SELENOI: variants seen among roughly 807,000 people sequenced by gnomAD.
The protein encoded by SELENOI is ethanolaminephosphotransferase 1.
Under a neutral mutation model 50.7 loss-of-function variants are expected in SELENOI, and 24 were observed. The observed-to-expected ratio is 0.47, with a 90% CI of 0.34 to 0.67. The LOEUF (loss-of-function observed/expected upper bound fraction) is 0.67. SELENOI is among the 30% of genes least tolerant of loss of function. The pLI is 0.01. For missense variants in SELENOI, 352 were observed against 461.4 expected, an observed-to-expected ratio of 0.76 and a Z score of 2.17; for synonymous variants, 155 against 170.2, an observed-to-expected ratio of 0.91 and a Z score of 0.70.
chr2:26,364,996 A>G (rs1339524777), intron 3 of SELENOI, 56 bp downstream of exon 3: 1 of 1,269,758 alleles, frequency 7.9e-7, no homozygotes, highest in Non-Finnish European at 1.1e-6. Flanking sequence ...TGAAATGTGG[A>G]TGCTTATTTT....
At chr2:26,388,860 A>G in intron 9 of SELENOI, 145 bp from the exon 10 acceptor site, 2 of 653,922 alleles carry the variant, frequency 3.1e-6, no homozygotes, top group South Asian at 1.9e-5. Context: ...TTCTATAGCT[A>G]TCCTAATCCA....
At chr2:26,381,020 TTGA>T (rs148514183) in intron 6 of SELENOI, among the ~76,000 whole-genome samples, 2,746 of 152,028 alleles carry the variant, frequency 0.018, 275 homozygotes, top group Admixed American at 0.16. Flanking sequence ...TATTAATCCT[TTGA>T]TATAGATTAT....
At chr2:26,380,387 A>G (rs1358069648) in intron 6 of SELENOI, among the ~76,000 whole-genome samples, 1 of 152,146 alleles carries the variant, frequency 6.6e-6, no homozygotes, top group East Asian at 1.9e-4. Flanking sequence ...TGTACTATGT[A>G]CTGTGCCTTT....
At chr2:26,354,474 C>A (rs556193884) in intron 1 of SELENOI, among the ~76,000 whole-genome samples, 15 of 152,244 alleles carry the variant, frequency 9.9e-5, no homozygotes, top group African/African-American at 3.6e-4. Flanking sequence ...GCAAGCTCCG[C>A]CTCCTGGGTT....
intron 7 of SELENOI, among the ~76,000 whole-genome samples, chr2:26,384,331 C>T (rs961608143): frequency 2.0e-5 from 3 of 152,198 alleles, no homozygotes; most frequent in Admixed American, 1.3e-4. Context: ...TATTTCTCTA[C>T]ATTTTCTTCT....
chr2:26,386,207 C>T, intron 8 of SELENOI, 147 bp from the exon 9 acceptor site: 3 of 796,320 alleles, frequency 3.8e-6, no homozygotes, highest in Admixed American at 5.8e-5. Context: ...GGCCCCTAAG[C>T]ATTGAGAACT....
chr2:26,380,490 C>T lies in SELENOI; in HGVS notation c.683-2809C>T, dbSNP rs56288595. On this transcript the variant is annotated intron_variant, in intron 6 of 9. Transcript: ENST00000260585. ...GTCCTCTTACAGCTGCCTGGCACTT[C>T]ATTGTGTGGATGTACCGTAGTGTGT... Among the ~76,000 whole-genome samples, 721 of 152,322 alleles carry T rather than the reference C, an allele frequency of 4.7e-3. 2 individuals carry two copies. The highest frequency in any genetic ancestry group is 7.5e-3 in the Non-Finnish European group (508 of 68,032).
rs186876913 is a variant in SELENOI, at chr2:26,386,662, G to A, written c.1095+126G>A. The stretch of plus-strand genomic sequence containing the variant: ...AGTTGCTTATTATAGTAGCTGTAAG[G>A]GTTTTGGGATATTCTCTAAATTTTG... On this transcript the variant is annotated intron_variant, in intron 9 of 9. Transcript: ENST00000260585. The A allele has an allele frequency of 1.4e-3, 1,046 of 738,454 alleles. 3 individuals carry two copies. Among genetic ancestry groups the A allele is most frequent in the African/African-American group, 0.011 (621 of 54,492 alleles). The allele number at this position is 738,454 out of a possible 1,614,324, so 45.7% of individuals were successfully genotyped here.
chr2:26,370,820 C>T (rs867257452), intron 4 of SELENOI, among the ~76,000 whole-genome samples: 11 of 121,426 alleles, frequency 9.1e-5, no homozygotes, highest in Admixed American at 2.3e-4. Context: ...GGCGGCTGGC[C>T]GGGCGGGGGG....
At chr2:26,385,803 T>C (rs1677826226) in intron 8 of SELENOI, among the ~76,000 whole-genome samples, 1 of 152,210 alleles carries the variant, frequency 6.6e-6, no homozygotes, top group Non-Finnish European at 1.5e-5. Flanking sequence ...TCTCAAGTCT[T>C]GCTGATTTTA....
intron 4 of SELENOI, 125 bp from the exon 5 acceptor site, chr2:26,373,242 A>G (rs982335366): frequency 8.7e-6 from 10 of 1,148,090 alleles, no homozygotes; most frequent in Admixed American, 2.8e-5. Context: ...GTACCAGCTG[A>G]TAGCTATACT....
At chr2:26,363,686 CATTT>C (rs559857577) in intron 1 of SELENOI, among the ~76,000 whole-genome samples, 62 of 152,280 alleles carry the variant, frequency 4.1e-4, no homozygotes, top group Middle Eastern at 3.4e-3. Context: ...GTCTTTGCCT[CATTT>C]ATGTTGCTAT....
At chr2:26,370,885 AC>A (rs1677415738) in intron 4 of SELENOI, among the ~76,000 whole-genome samples, 1 of 38,852 alleles carries the variant, frequency 2.6e-5, no homozygotes, top group South Asian at 8.9e-4. Context: ...GGGGGCTGAC[AC>A]CCCCACCTCC....
At chr2:26,369,216 C>T (rs550016589) in intron 4 of SELENOI, among the ~76,000 whole-genome samples, 4 of 152,154 alleles carry the variant, frequency 2.6e-5, no homozygotes, top group Non-Finnish European at 5.9e-5. Flanking sequence ...TCTCCTCATT[C>T]CCTTGGTAAT....
chr2:26,370,323 T>G (rs995793147), intron 4 of SELENOI, among the ~76,000 whole-genome samples: 1 of 151,752 alleles, frequency 6.6e-6, no homozygotes, highest in Non-Finnish European at 1.5e-5. Context: ...CCCCTTTCTA[T>G]TCCACAAAGC....
chr2:26,370,254 AC>A, intron 4 of SELENOI, among the ~76,000 whole-genome samples: 1 of 151,840 alleles, frequency 6.6e-6, no homozygotes, highest in South Asian at 2.1e-4. Context: ...TCCCATGTCT[AC>A]CTCTTTCTAC....
Position 26,361,168 on chromosome 2 carries a change from C to A in SELENOI, c.58-3134C>A, listed in dbSNP as rs574119772. Reference sequence around the variant, plus strand: ...GGCGGAGCTTGCAGTGAGCCAAGATCGCGCCACTGCACTCCAGCCTGGGAG... The same window carrying A: ...GGCGGAGCTTGCAGTGAGCCAAGATAGCGCCACTGCACTCCAGCCTGGGAG... On this transcript the variant is annotated intron_variant, in intron 1 of 9. Transcript: ENST00000260585. 3.3e-5 allele frequency among the ~76,000 whole-genome samples: 5 copies of A among 152,190 alleles called. No individual in the cohort carries two copies. The East Asian group carries it at 7.7e-4, about 24-fold the overall frequency.
intron 4 of SELENOI, among the ~76,000 whole-genome samples, chr2:26,368,232 A>G (rs1333703470): frequency 1.3e-5 from 2 of 152,232 alleles, no homozygotes; most frequent in Non-Finnish European, 2.9e-5. Flanking sequence ...GTCTAGAAGA[A>G]TTAAGGGAAA....
chr2:26,373,334 T>G, intron 4 of SELENOI, 33 bp from the exon 5 acceptor site: 1 of 1,587,264 alleles, frequency 6.3e-7, no homozygotes, highest in Non-Finnish European at 8.6e-7. Flanking sequence ...GGTGCATACG[T>G]TGAACTTTTC....
Sources: gnomAD v4.1 joint callset for allele counts (sites outside exome capture counted in the v4.1 genomes callset) on GRCh38, gnomAD v4.1.1 for gene constraint, MANE v1.5 for transcripts, NCBI Gene and HGNC (gene_info 2026-07-23, HGNC 2026-07-21) for gene names.